POLD2: variants seen among roughly 807,000 people sequenced by gnomAD.
POLD2 encodes DNA polymerase delta 2, accessory subunit.
Under a neutral mutation model 48.8 loss-of-function variants are expected in POLD2, and 31 were observed. The observed-to-expected ratio is 0.64, with a 90% confidence interval of 0.48 to 0.86. POLD2 has a LOEUF of 0.86. POLD2 is among the 40% of genes least tolerant of loss of function. The pLI is 0.00. For missense variants in POLD2, 455 were observed against 610.1 expected (o/e 0.75, Z 2.68); for synonymous variants, 233 against 256.3 (o/e 0.91, Z 0.87).
At chr7:44,118,094 T>A in intron 2 of POLD2, 30 bp from the exon 3 acceptor site, 1 of 1,611,910 alleles carries the variant, frequency 6.2e-7, no homozygotes, top group Non-Finnish European at 8.5e-7. Flanking sequence ...GACTCAGAGA[T>A]GAAGTAGCCC....
chr7:44,116,688 G>A lies in POLD2; in HGVS notation c.780+129C>T, dbSNP rs3217967. On this transcript the variant is annotated intron_variant, in intron 6 of 10. Transcript: ENST00000610533. The surrounding 1 kb of genome is among the most constrained non-coding windows in gnomAD (Gnocchi z 6.1). The stretch of plus-strand genomic sequence containing the variant: ...GAGCCCCATTGCAGGAGGCCCCAGA[G>A]TCACTGCAGGGCGCTTCCCACCGAC... 1,402 of 1,076,506 alleles carry A rather than the reference G, an allele frequency of 1.3e-3. 13 individuals are homozygous for A. In the African/African-American group the frequency reaches 0.019, roughly 14 times the overall value. The allele number at this position is 1,076,506 out of a possible 1,614,324, so 66.7% of individuals were successfully genotyped here.
rs1374332531 is a variant in POLD2 at position 44,116,098 on chromosome 7, G to C, written c.1019+17C>G. 6.2e-7 allele frequency: 1 copy of C among 1,613,216 alleles called. No homozygotes were observed. The highest frequency in any genetic ancestry group is 8.5e-7 in the Non-Finnish European group (1 of 1,179,968). On this transcript the variant is annotated intron_variant, in intron 8 of 10. Coordinates refer to ENST00000610533, the MANE Select transcript of POLD2 (RefSeq NM_006230.4). The surrounding 1 kb of genome is among the most constrained non-coding windows in gnomAD (Gnocchi z 6.1). ...GCAAAAGGCTGGGTCAGACTGAAGT[G>C]TGGCTGTGCCAGCTACCTGACTCCA...
At chr7:44,123,881 C>A (rs1335448908), upstream of POLD2, among the ~76,000 whole-genome samples, 2 of 152,262 alleles carry the variant, frequency 1.3e-5, no homozygotes, top group African/African-American at 4.8e-5. Flanking sequence ...CGTCACCCCG[C>A]CAGACCTCCC....
Position 44,116,200 on chromosome 7 carries a change from G to T in POLD2, c.934C>A (p.His312Asn). Residue 312 changes from histidine (H) to asparagine (N), a missense_variant, in exon 8 of 11, where the codon CAC (histidine) becomes AAC (asparagine). By Grantham distance (68) the His-to-Asn change is moderately conservative (BLOSUM62 1). This residue lies in a region of POLD2 where 349 missense variants were observed against 437.4 expected (regional missense o/e 0.80). Transcript: ENST00000610533. The surrounding 1 kb of genome is among the most constrained non-coding windows in gnomAD (Gnocchi z 6.1). ...GTGGCCAGCGGGAACATGCAGGGGT[G>T]GAGGGGCTGCTGGGGGAGCGTGTAA... is the stretch of plus-strand genomic sequence containing the variant. ...TNYTLPQQPLHPCMFPLATAY... is the reference protein window; with the variant it reads ...TNYTLPQQPLNPCMFPLATAY... The T allele has an allele frequency of 6.2e-7, 1 of 1,614,018 alleles. No homozygotes were observed. Among genetic ancestry groups the T allele is most frequent in the Non-Finnish European group, 8.5e-7 (1 of 1,179,994 alleles).
rs1377760274 is a variant in POLD2, at chr7:44,115,454, A to T, written c.1148-58T>A. 4 of 1,106,226 alleles carry T rather than the reference A, an allele frequency of 3.6e-6. No homozygotes were observed. In the East Asian group the frequency reaches 7.1e-5, roughly 19 times the overall value. 68.5% of individuals were successfully genotyped at this position (1,106,226 alleles called of 1,614,324 possible). On this transcript the variant is annotated intron_variant, in intron 9 of 10. Transcript: ENST00000610533. ...CCGCCTCAGCACTAGCACTCTGCAC[A>T]GGATGTGGGGCTGCAGCCCCTCCTC...
rs552870022 is a variant in POLD2, at chr7:44,115,657, T to C, written c.1147+109A>G. 2.0e-5 allele frequency: 25 copies of C among 1,245,980 alleles called. No individual in the cohort carries two copies. In the South Asian group the frequency reaches 3.2e-4, roughly 16 times the overall value. The allele number at this position is 1,245,980 out of a possible 1,614,324, so 77.2% of individuals were successfully genotyped here. On this transcript the variant is annotated intron_variant, in intron 9 of 10. Coordinates refer to ENST00000610533, the MANE Select transcript of POLD2 (RefSeq NM_006230.4). ...AGCCTCTGAACTTCTCCTCAGACAGTTCTCAGCAATGCTGGCAAGTGCAAA... is the reference window on the plus strand; with the variant it reads ...AGCCTCTGAACTTCTCCTCAGACAGCTCTCAGCAATGCTGGCAAGTGCAAA...
At chr7:44,118,412 G>A (rs184389747) in intron 2 of POLD2, 19 of 193,722 alleles carry the variant, frequency 9.8e-5, no homozygotes, top group Non-Finnish European at 1.8e-4. Flanking sequence ...CCCTCCCCTC[G>A]GGCCTTCAGA....
In POLD2 at chr7:44,116,038, GC is replaced by G; in HGVS notation, c.1019+76del. On this transcript the variant is annotated intron_variant, in intron 8 of 10. Transcript: ENST00000610533. The surrounding 1 kb of genome is among the most constrained non-coding windows in gnomAD (Gnocchi z 6.1). ...CTCTGCAGCCCTGCCACCTTCCTGG[GC>G]CCTCCCTCCCCTCCCTTCTTTGTGC... 6.2e-7 allele frequency: 1 copy of G among 1,601,408 alleles called. No homozygotes were observed. Among genetic ancestry groups the G allele is most frequent in the Non-Finnish European group, 8.5e-7 (1 of 1,170,062 alleles).
At chr7:44,117,785 C>A in intron 3 of POLD2, 43 bp from the exon 4 acceptor site, 1 of 1,612,646 alleles carries the variant, frequency 6.2e-7, no homozygotes. Flanking sequence ...GGCCAGAGCC[C>A]ACCAAAGCTC....
Position 44,117,248 on chromosome 7 carries a change from C to G in POLD2, c.467-1G>C. 6.2e-7 allele frequency: 1 copy of G among 1,611,622 alleles called. No individual in the cohort carries two copies. Among genetic ancestry groups the G allele is most frequent in the Non-Finnish European group, 8.5e-7 (1 of 1,178,100 alleles). ...GAGCCAAACACAGCCAGGACAGTCCCTGGGGAGCAGTGGCATCAGGCCTGA... is the reference window on the plus strand; with the variant it reads ...GAGCCAAACACAGCCAGGACAGTCCGTGGGGAGCAGTGGCATCAGGCCTGA... On this transcript the variant is annotated splice_acceptor_variant, in intron 4 of 10. Transcript: ENST00000610533. LOFTEE classifies it high-confidence loss of function.
At position 44,121,867 on chromosome 7, in the gene POLD2, G is replaced by T. The variant is rs1387493212; in HGVS notation, c.187C>A (p.Pro63Thr). 1.2e-6 allele frequency: 2 copies of T among 1,613,364 alleles called. No homozygotes were observed. Among genetic ancestry groups the T allele is most frequent in the Non-Finnish European group, 8.5e-7 (1 of 1,180,032 alleles). Residue 63 changes from proline to threonine, a missense_variant, in exon 2 of 11, where the codon CCC becomes ACC. By Grantham distance (38) the Pro-to-Thr change is conservative. This residue lies in a region of POLD2 where 349 missense variants were observed against 437.4 expected (regional missense o/e 0.80). Transcript: ENST00000610533. The surrounding 1 kb of genome is among the most constrained non-coding windows in gnomAD (Gnocchi z 4.5). The part of the protein sequence containing the change: ...IYATRLIQMR[P>T]FLENRAQQHW... Reference sequence around the variant, plus strand: ...TGCTGGGCCCGGTTCTCCAGGAAGGGTCTCATTTGGATGAGGCGGGTGGCA... The same window carrying T: ...TGCTGGGCCCGGTTCTCCAGGAAGGTTCTCATTTGGATGAGGCGGGTGGCA...
rs374642837 is a variant in POLD2 at position 44,117,711 on chromosome 7, T to A, written c.374A>T (p.Lys125Ile). The change falls in exon 4 of 11, where the codon AAA becomes ATA. Residue 125 changes from lysine to isoleucine, a missense_variant. Coordinates refer to ENST00000610533, the MANE Select transcript of POLD2 (RefSeq NM_006230.4). Reference sequence around the variant, plus strand: ...CAGCTCGTCATCTGGGTGTATGTATTTACTCCGAGGAGGCTGGGGGAGCAG... The same window carrying A: ...CAGCTCGTCATCTGGGTGTATGTATATACTCCGAGGAGGCTGGGGGAGCAG... ...HNLLPQPPRS[K>I]YIHPDDELVL... 6.2e-7 allele frequency: 1 copy of A among 1,613,648 alleles called. No homozygotes were observed. Among genetic ancestry groups the A allele is most frequent in the South Asian group, 1.1e-5 (1 of 90,892 alleles).
intron 1 of POLD2, 135 bp downstream of exon 1, chr7:44,123,376 G>C (rs2096250940): frequency 1.4e-6 from 2 of 1,414,632 alleles, no homozygotes; most frequent in Admixed American, 6.0e-5. Context: ...CCCAGTCACG[G>C]CGGGTGCCCC....
intron 2 of POLD2, among the ~76,000 whole-genome samples, chr7:44,119,889 T>A (rs1044873395): frequency 6.6e-6 from 1 of 152,174 alleles, no homozygotes; most frequent in African/African-American, 2.4e-5. Context: ...ACGGAGGCCC[T>A]CATTGCAAGG....
At chr7:44,119,321 C>T (rs1488194540) in intron 2 of POLD2, among the ~76,000 whole-genome samples, 4 of 152,148 alleles carry the variant, frequency 2.6e-5, no homozygotes, top group Non-Finnish European at 5.9e-5. Flanking sequence ...GACAGGACAA[C>T]GCGGATGCCA....
Position 44,116,375 on chromosome 7 carries a change from T to C in POLD2, c.861+55A>G, listed in dbSNP as rs1034294280. On this transcript the variant is annotated intron_variant, in intron 7 of 10. Coordinates refer to ENST00000610533, the MANE Select transcript of POLD2 (RefSeq NM_006230.4). The surrounding 1 kb of genome is among the most constrained non-coding windows in gnomAD (Gnocchi z 6.1). ...CTCCTGCCTGCCTTCTGTTGCCCAG[T>C]GGCAGCTTTGAAGACTGCAATCCCC... 4.5e-5 allele frequency: 71 copies of C among 1,584,162 alleles called. 1 individual carries two copies. In the Admixed American group the frequency reaches 1.3e-3, roughly 28 times the overall value.
At chr7:44,118,113 G>A (rs112751359) in intron 2 of POLD2, 49 bp from the exon 3 acceptor site, 70 of 1,603,040 alleles carry the variant, frequency 4.4e-5, no homozygotes, top group South Asian at 3.4e-4. Context: ...CCCCCCGCCC[G>A]ACAGAGGCCA....
intron 2 of POLD2, 30 bp from the exon 3 acceptor site, chr7:44,118,094 T>C (rs1382553648): frequency 2.5e-6 from 4 of 1,611,792 alleles, no homozygotes; most frequent in Non-Finnish European, 3.4e-6. Flanking sequence ...GACTCAGAGA[T>C]GAAGTAGCCC....
intron 1 of POLD2, chr7:44,123,247 G>C (rs1314497878): frequency 7.4e-7 from 1 of 1,349,404 alleles, no homozygotes; most frequent in Non-Finnish European, 9.5e-7. Context: ...CTGGGACACA[G>C]GCTCCGCACA....
Sources: allele counts gnomAD v4.1 joint callset (sites outside exome capture counted in the v4.1 genomes callset), GRCh38; gene constraint gnomAD v4.1.1; regional missense constraint gnomAD v4.1.1; non-coding constraint Gnocchi (gnomAD v3.1); transcripts MANE v1.5; gene names NCBI Gene and HGNC (gene_info 2026-07-23, HGNC 2026-07-21).